Variants in ZMAT4 observed in about 807,000 individuals in gnomAD.
ZMAT4 encodes zinc finger matrin-type protein 4.
ZMAT4 carries 17 observed loss-of-function variants against 28.7 expected under a neutral mutation model. That is an observed-to-expected ratio of 0.59 (90% CI 0.41 to 0.89). The LOEUF is 0.89. Ranked by LOEUF, ZMAT4 falls within the 40% of genes least tolerant of loss-of-function variation. ZMAT4 has a pLI of 0.00. For synonymous variants in ZMAT4, 117 were observed against 109.2 expected (o/e 1.07, Z -0.44); for missense variants, 240 against 283.8 (o/e 0.85, Z 1.11).
At chr8:40,869,513 A>C (rs1817780516) in intron 1 of ZMAT4, among the ~76,000 whole-genome samples, 1 of 152,212 alleles carries the variant, frequency 6.6e-6, no homozygotes, top group African/African-American at 2.4e-5. Context: ...TCTCAACTGC[A>C]TTATCTAGAA....
At chr8:40,671,577 A>T (rs1411987560) in intron 5 of ZMAT4, among the ~76,000 whole-genome samples, 2 of 152,198 alleles carry the variant, frequency 1.3e-5, no homozygotes, top group Non-Finnish European at 2.9e-5. Context: ...AGAAATACAT[A>T]TTTTATGATT....
chr8:40,722,807 G>A (rs1811158163), intron 3 of ZMAT4, among the ~76,000 whole-genome samples: 1 of 152,138 alleles, frequency 6.6e-6, no homozygotes, highest in South Asian at 2.1e-4. Context: ...AGACAGAGGT[G>A]GAATCAGACA....
chr8:40,588,666 T>A (rs1804751451), intron 5 of ZMAT4, among the ~76,000 whole-genome samples: 1 of 152,098 alleles, frequency 6.6e-6, no homozygotes, highest in Admixed American at 6.6e-5. Flanking sequence ...TGACACATTC[T>A]TGAGGGGATT....
At chr8:40,673,006 T>C (rs1808743919) in intron 5 of ZMAT4, among the ~76,000 whole-genome samples, 1 of 152,224 alleles carries the variant, frequency 6.6e-6, no homozygotes, top group African/African-American at 2.4e-5. Context: ...TCTTTTTTTG[T>C]TGTTTTTAAT....
At chr8:40,848,586 A>G (rs1045951010) in intron 1 of ZMAT4, among the ~76,000 whole-genome samples, 2 of 152,168 alleles carry the variant, frequency 1.3e-5, no homozygotes, top group Non-Finnish European at 2.9e-5. Flanking sequence ...CACTAGTCAT[A>G]TAACTTTGGG....
chr8:40,835,449 T>C (rs2150621653), intron 1 of ZMAT4, among the ~76,000 whole-genome samples: 1 of 152,344 alleles, frequency 6.6e-6, no homozygotes. Context: ...CTTTGCTATG[T>C]ATTGGCTACC....
chr8:40,895,809 G>A (rs1379884133), intron 1 of ZMAT4, among the ~76,000 whole-genome samples: 2 of 152,176 alleles, frequency 1.3e-5, no homozygotes, highest in African/African-American at 2.4e-5. Flanking sequence ...CTGCCTTCAT[G>A]AAAACCAAGG....
intron 6 of ZMAT4, among the ~76,000 whole-genome samples, chr8:40,558,014 C>G (rs1803602293): frequency 6.6e-6 from 1 of 152,132 alleles, no homozygotes. Flanking sequence ...AGGGGCTAGT[C>G]ATGTGATGAC....
chr8:40,870,893 T>G (rs1817832737), intron 1 of ZMAT4, among the ~76,000 whole-genome samples: 1 of 152,222 alleles, frequency 6.6e-6, no homozygotes, highest in Admixed American at 6.5e-5. Context: ...AGCCACAATG[T>G]CAGCAGCTGT....
intron 1 of ZMAT4, among the ~76,000 whole-genome samples, chr8:40,876,344 G>C (rs1265650025): frequency 1.3e-5 from 2 of 151,952 alleles, no homozygotes; most frequent in Non-Finnish European, 2.9e-5. Flanking sequence ...TTTGAGACAG[G>C]GTTTCACTCT....
intron 6 of ZMAT4, among the ~76,000 whole-genome samples, chr8:40,569,166 A>T (rs1264121712): frequency 2.6e-5 from 4 of 152,194 alleles, no homozygotes; most frequent in Non-Finnish European, 4.4e-5. Flanking sequence ...ATGAGCTCTT[A>T]TCCTCCACCC....
intron 5 of ZMAT4, among the ~76,000 whole-genome samples, chr8:40,599,670 T>G (rs1805230272): frequency 6.6e-6 from 1 of 152,256 alleles, no homozygotes; most frequent in Admixed American, 6.5e-5. Flanking sequence ...GCAGATGGCC[T>G]TGCTGTCCTA....
At chr8:40,755,532 A>C (rs1037766935) in intron 3 of ZMAT4, among the ~76,000 whole-genome samples, 3 of 152,070 alleles carry the variant, frequency 2.0e-5, no homozygotes, top group Non-Finnish European at 4.4e-5. Flanking sequence ...GGCTCACTGC[A>C]ACCTCCGCCT....
intron 5 of ZMAT4, among the ~76,000 whole-genome samples, chr8:40,604,426 T>C (rs917917615): frequency 1.3e-5 from 2 of 152,244 alleles, no homozygotes; most frequent in African/African-American, 4.8e-5. Context: ...GTTTTGATCA[T>C]AAAGTGATGC....
intron 5 of ZMAT4, among the ~76,000 whole-genome samples, chr8:40,601,401 A>G (rs1314414270): frequency 2.9e-4 from 9 of 31,548 alleles, no homozygotes; most frequent in East Asian, 1.3e-3. Flanking sequence ...AGGAAGGAGG[A>G]AAGAAAGGAA....
intron 1 of ZMAT4, among the ~76,000 whole-genome samples, chr8:40,849,254 C>A (rs1010876009): frequency 1.3e-5 from 2 of 152,234 alleles, no homozygotes; most frequent in Non-Finnish European, 2.9e-5. Context: ...TCTCAACACA[C>A]AATTGCCCTG....
At chr8:40,612,805 G>GTTTTTTTTTTTTTTTTTTTTTTTTT (rs1491257030) in intron 5 of ZMAT4, among the ~76,000 whole-genome samples, 1 of 93,586 alleles carries the variant, frequency 1.1e-5, no homozygotes, top group Non-Finnish European at 2.7e-5. Flanking sequence ...CTGTATTTTG[G>GTTTTTTTTTTTTTTTTTTTTTTTTT]TTTTTGTTTT....
chr8:40,822,564 A>C (rs1815869749), intron 2 of ZMAT4, among the ~76,000 whole-genome samples: 1 of 152,358 alleles, frequency 6.6e-6, no homozygotes, highest in South Asian at 2.1e-4. Context: ...ATCAGTTTTC[A>C]AATGGCCTTA....
At chr8:40,895,905 A>G (rs1306053503) in intron 1 of ZMAT4, among the ~76,000 whole-genome samples, 2 of 152,116 alleles carry the variant, frequency 1.3e-5, no homozygotes, top group Non-Finnish European at 2.9e-5. Flanking sequence ...GCCACAGAGG[A>G]CGACGTCCAT....
Sources: allele counts gnomAD v4.1 joint callset (sites outside exome capture counted in the v4.1 genomes callset), GRCh38; gene constraint gnomAD v4.1.1; transcripts MANE v1.5; gene names NCBI Gene and HGNC (gene_info 2026-07-23, HGNC 2026-07-21).